The following VWF variants were observed in gnomAD, a reference collection of about 807,000 sequenced individuals.
The protein encoded by VWF is Factor VIII related antigen.
VWF carries 176 observed loss-of-function variants against 308.6 expected under a neutral mutation model. The observed-to-expected ratio is 0.57, with a 90% CI of 0.50 to 0.65. The LOEUF is 0.65. Ranked by LOEUF, VWF falls within the 30% of genes least tolerant of loss-of-function variation. The pLI is 0.00. For synonymous variants in VWF, 1,385 were observed against 1,443.4 expected (o/e 0.96, Z 0.92); for missense variants, 3,146 against 3,648.2 (o/e 0.86, Z 3.55).
At chr12:6,036,272 A>G (rs1944335088) in intron 19 of VWF, 116 bp downstream of exon 19, 2 of 837,320 alleles carry the variant, frequency 2.4e-6, no homozygotes, top group Non-Finnish European at 4.1e-6. Context: ...AAAGGCAGAG[A>G]GTAACCAGGT....
At chr12:6,092,552 C>A (rs1266132424) in intron 6 of VWF, among the ~76,000 whole-genome samples, 1 of 147,074 alleles carries the variant, frequency 6.8e-6, no homozygotes, top group Non-Finnish European at 1.5e-5. Context: ...CGTGTGCCAC[C>A]ATGCCCAGCT....
intron 15 of VWF, 52 bp downstream of exon 15, chr12:6,056,805 T>A (rs1752348827): frequency 6.8e-6 from 9 of 1,319,026 alleles, no homozygotes; most frequent in Non-Finnish European, 8.7e-6. Flanking sequence ...AAAGCACACG[T>A]GGACGGATTT....
intron 3 of VWF, among the ~76,000 whole-genome samples, chr12:6,118,685 G>A (rs139994390): frequency 6.6e-6 from 1 of 152,150 alleles, no homozygotes; most frequent in African/African-American, 2.4e-5. Context: ...TTGCACCCGT[G>A]CACCCGGCCT....
chr12:5,985,472 C>G (rs2136375950), intron 39 of VWF, 91 bp downstream of exon 39: 2 of 1,374,624 alleles, frequency 1.5e-6, no homozygotes, highest in East Asian at 4.9e-5. Flanking sequence ...GTGTTTGAGT[C>G]TGCTCTGCCA....
chr12:6,026,469 G>C (rs1944194193), intron 22 of VWF, among the ~76,000 whole-genome samples: 1 of 152,208 alleles, frequency 6.6e-6, no homozygotes, highest in Admixed American at 6.5e-5. Context: ...AGAACTGCCT[G>C]CCTCTGGGAA....
intron 21 of VWF, among the ~76,000 whole-genome samples, chr12:6,030,038 G>A (rs771867291): frequency 3.3e-5 from 5 of 152,170 alleles, no homozygotes; most frequent in Non-Finnish European, 5.9e-5. Context: ...GTTCAAGAAG[G>A]GCTCTGACCT....
rs768885457 is a variant in VWF, at chr12:6,123,172, C to A, written c.25G>T (p.Val9Leu). The A allele has an allele frequency of 1.1e-5, 17 of 1,614,088 alleles. No homozygotes were observed. The East Asian group carries it at 2.9e-4, about 27-fold the overall frequency. MIPARFAG[V>L]LLALALILPG... ...AAAATGAGGGCCAGAGCAAGCAGCACCCCGGCAAATCTGGCAGGAATCATC... is the reference window on the plus strand; with the variant it reads ...AAAATGAGGGCCAGAGCAAGCAGCAACCCGGCAAATCTGGCAGGAATCATC... The change falls in exon 2 of 52, where the codon GTG (valine) becomes TTG (leucine). Residue 9 changes from valine to leucine, a missense_variant. By Grantham distance (32) the Val-to-Leu change is conservative (BLOSUM62 1). Coordinates refer to ENST00000261405, the MANE Select transcript of VWF (RefSeq NM_000552.5).
At chr12:6,077,127 T>C (rs1329364374) in intron 6 of VWF, among the ~76,000 whole-genome samples, 2 of 152,252 alleles carry the variant, frequency 1.3e-5, no homozygotes, top group African/African-American at 2.4e-5. Flanking sequence ...CTGGCCAATA[T>C]GGTGAGACCC....
chr12:5,974,175 T>C (rs1251794682), intron 43 of VWF, among the ~76,000 whole-genome samples: 2 of 152,206 alleles, frequency 1.3e-5, no homozygotes, highest in African/African-American at 2.4e-5. Flanking sequence ...CTAACAATAC[T>C]ACCCTCTTTG....
chr12:5,984,969 C>G, intron 40 of VWF, 76 bp downstream of exon 40: 2 of 1,503,888 alleles, frequency 1.3e-6, no homozygotes, highest in Non-Finnish European at 1.9e-6. Context: ...ACAGAGACAC[C>G]TTTCAGCACC....
intron 34 of VWF, 91 bp from the exon 35 acceptor site, chr12:5,996,313 C>G: frequency 8.8e-7 from 1 of 1,137,864 alleles, no homozygotes; most frequent in Non-Finnish European, 1.3e-6. Context: ...AAGTTGCACA[C>G]AGATAAATAC....
intron 34 of VWF, among the ~76,000 whole-genome samples, chr12:6,006,890 A>T (rs1304035252): frequency 6.6e-6 from 1 of 152,232 alleles, no homozygotes; most frequent in Admixed American, 6.5e-5. Flanking sequence ...TAAAGTGAGA[A>T]GATGGAAAAA....
chr12:6,091,067 C>A (rs964961144), intron 6 of VWF, among the ~76,000 whole-genome samples: 1 of 152,202 alleles, frequency 6.6e-6, no homozygotes, highest in Non-Finnish European at 1.5e-5. Flanking sequence ...GAGGACCTAG[C>A]ACCACCAAAG....
chr12:5,989,459 T>C (rs1943713815), intron 38 of VWF, among the ~76,000 whole-genome samples: 2 of 152,252 alleles, frequency 1.3e-5, no homozygotes. Flanking sequence ...TGGCTGGATA[T>C]GATGTTTGTT....
chr12:6,072,280 C>A, intron 9 of VWF, 51 bp downstream of exon 9: 1 of 1,569,522 alleles, frequency 6.4e-7, no homozygotes, highest in Non-Finnish European at 8.8e-7. Flanking sequence ...CAGCTTCCCT[C>A]CCCAGTCCCC....
Position 6,056,976 on chromosome 12 carries a change from C to A in VWF, c.1826G>T (p.Arg609Leu), listed in dbSNP as rs1056962966. The stretch of plus-strand genomic sequence containing the variant: ...GTCCGAGCAGGAGCACACGTCGTAG[C>A]GGCAGTTCCGCAGGTAGGGCAGCGG... ...VSPLPYLRNC[R>L]YDVCSCSDGR... The change falls in exon 15 of 52, where the codon CGC (arginine) becomes CTC (leucine). Residue 609 changes from arginine (R) to leucine (L), a missense_variant. This residue lies in a region of VWF where 1,304 missense variants were observed against 1,353.0 expected (regional missense o/e 0.96). Coordinates refer to ENST00000261405, the MANE Select transcript of VWF (RefSeq NM_000552.5). The A allele has an allele frequency of 2.6e-6, 4 of 1,543,238 alleles. No individual in the cohort carries two copies. The African/African-American group carries it at 4.1e-5, about 16-fold the overall frequency.
At chr12:5,975,955 G>A (rs1321332866) in intron 43 of VWF, among the ~76,000 whole-genome samples, 156 bp downstream of exon 43, 1 of 152,050 alleles carries the variant, frequency 6.6e-6, no homozygotes, top group Non-Finnish European at 1.5e-5. Flanking sequence ...GGCAGAGCTT[G>A]CAGTGAGCCG....
chr12:6,109,663 T>C (rs1249610405), intron 5 of VWF, among the ~76,000 whole-genome samples: 2 of 152,246 alleles, frequency 1.3e-5, no homozygotes, highest in Non-Finnish European at 2.9e-5. Context: ...GTTTTCTTTT[T>C]TTTTTGAGAC....
chr12:6,048,485 C>T (rs148297017), intron 16 of VWF, among the ~76,000 whole-genome samples: 5,971 of 142,842 alleles, frequency 0.042, 150 homozygotes, highest in Middle Eastern at 0.095. Context: ...TTTTTTGAGA[C>T]AGAGTCTTAC....
Sources: allele counts gnomAD v4.1 joint callset (sites outside exome capture counted in the v4.1 genomes callset), GRCh38; gene constraint gnomAD v4.1.1; regional missense constraint gnomAD v4.1.1; transcripts MANE v1.5; gene names NCBI Gene and HGNC (gene_info 2026-07-23, HGNC 2026-07-21).